Variants in ERMP1 observed in about 807,000 individuals in gnomAD.
ERMP1 encodes endoplasmic reticulum metallopeptidase 1.
In ERMP1, 86 loss-of-function variants were observed where a neutral mutation model predicts 92.0. The observed-to-expected ratio is 0.93, with a 90% CI of 0.79 to 1.12. The LOEUF is 1.12. Ranked by LOEUF, ERMP1 falls within the 50% of genes most tolerant of loss-of-function variation. ERMP1 has a pLI of 0.00. For missense variants in ERMP1, 1,342 were observed against 1,116.3 expected (o/e 1.20, Z -2.88); for synonymous variants, 530 against 412.8 (o/e 1.28, Z -3.44).
chr9:5,860,863 C>T (rs4433198), intron 5 of ERMP1, among the ~76,000 whole-genome samples: 143,904 of 152,086 alleles, frequency 0.95, 68,465 homozygotes, highest in East Asian at 1. Context: ...TAATGGATTA[C>T]TATGGTGGCT....
intron 2 of ERMP1, among the ~76,000 whole-genome samples, 195 bp downstream of exon 2, chr9:5,830,532 T>C (rs574585363): frequency 6.6e-6 from 1 of 152,294 alleles, no homozygotes; most frequent in South Asian, 2.1e-4. Context: ...ATAATATTAA[T>C]AAAGCACTTA....
chr9:5,791,776 G>A (rs1030981878), intron 13 of ERMP1, among the ~76,000 whole-genome samples: 6 of 152,094 alleles, frequency 3.9e-5, no homozygotes, highest in Admixed American at 2.0e-4. Flanking sequence ...TTCAACACAT[G>A]TCTTGAGTAC....
chr9:5,787,308 C>A lies in ERMP1; in HGVS notation c.2551G>T (p.Val851Phe). The change falls in exon 15 of 15, where the codon GTT (valine) becomes TTT (phenylalanine). Residue 851 changes from valine (V) to phenylalanine (F), a missense_variant and splice_region_variant. Physicochemically the swap from Val to Phe is conservative, Grantham distance 50. Transcript: ENST00000339450. ...ATTCCTTCAGGATGTTCTTCTGAAA[C>A]CTGCCAGAGAAAATCAATTAGTTCT... is the stretch of plus-strand genomic sequence containing the variant. ...SAWQFWIEVQ[V>F]SEEHPEGMVT... The A allele has an allele frequency of 6.2e-7, 1 of 1,611,110 alleles. No individual in the cohort carries two copies. Among genetic ancestry groups the A allele is most frequent in the Non-Finnish European group, 8.5e-7 (1 of 1,178,834 alleles).
chr9:5,817,382 G>A (rs1243885306), intron 4 of ERMP1, among the ~76,000 whole-genome samples: 3 of 151,818 alleles, frequency 2.0e-5, no homozygotes, highest in Non-Finnish European at 4.4e-5. Flanking sequence ...TAGAGACAGG[G>A]TTTCACAATG....
chr9:5,849,834 A>C (rs977261784), intron 6 of ERMP1, among the ~76,000 whole-genome samples: 1 of 152,178 alleles, frequency 6.6e-6, no homozygotes, highest in Non-Finnish European at 1.5e-5. Flanking sequence ...ATATAAATCT[A>C]CCCAAATCTT....
Position 5,805,140 on chromosome 9 carries a change from C to T in ERMP1, c.1801G>A (p.Ala601Thr). 1 of 1,613,196 alleles carries T rather than the reference C, an allele frequency of 6.2e-7. No individual in the cohort carries two copies. Among genetic ancestry groups the T allele is most frequent in the Non-Finnish European group, 8.5e-7 (1 of 1,179,614 alleles). Residue 601 changes from alanine (A) to threonine (T), a missense_variant, in exon 10 of 15, where the codon GCA becomes ACA. Physicochemically the swap from Ala to Thr is moderately conservative, Grantham distance 58. Coordinates refer to ENST00000339450, the MANE Select transcript of ERMP1 (RefSeq NM_024896.3). ...ATAGGGGTAAACATCTCAAATACTG[C>T]CCAGATGAGGTACAATGCATAAAGA... ...PYLYALYLIWAVFEMFTPILG... is the reference protein window; with the variant it reads ...PYLYALYLIWTVFEMFTPILG...
At chr9:5,813,328 G>C (rs1462345221) in intron 4 of ERMP1, among the ~76,000 whole-genome samples, 1 of 152,020 alleles carries the variant, frequency 6.6e-6, no homozygotes, top group Non-Finnish European at 1.5e-5. Flanking sequence ...ATTATCAATT[G>C]TATATCTTTA....
intron 13 of ERMP1, among the ~76,000 whole-genome samples, chr9:5,790,588 G>A (rs111300634): frequency 0.023 from 3,543 of 152,282 alleles, 66 homozygotes; most frequent in Middle Eastern, 0.1. Flanking sequence ...ATGAACAAAG[G>A]TATTTCAGGC....
At chr9:5,867,013 G>C (rs1194174368) in intron 5 of ERMP1, among the ~76,000 whole-genome samples, 1 of 152,140 alleles carries the variant, frequency 6.6e-6, no homozygotes, top group Non-Finnish European at 1.5e-5. Flanking sequence ...TGAGCAACAT[G>C]GTGAGACCCC....
intron 1 of ERMP1, among the ~76,000 whole-genome samples, chr9:5,832,292 C>A (rs773271427): frequency 6.6e-6 from 1 of 152,052 alleles, no homozygotes; most frequent in Non-Finnish European, 1.5e-5. Context: ...ACTCCCCGCC[C>A]CCAAAGCGAA....
chr9:5,787,345 A>G lies in ERMP1; in HGVS notation c.2551-37T>C, dbSNP rs764254047. ...AATCAATTAGTTCTCCAGTTCTCAG[A>G]AGCCAGAATACTGAACCCAAGGTTC... On this transcript the variant is annotated intron_variant, in intron 14 of 14. Coordinates refer to ENST00000339450, the MANE Select transcript of ERMP1 (RefSeq NM_024896.3). 6.2e-6 allele frequency: 10 copies of G among 1,605,186 alleles called. No homozygotes were observed. In the Middle Eastern group the frequency reaches 5.0e-4, roughly 80 times the overall value.
At chr9:5,832,597 G>C in intron 1 of ERMP1, 93 bp downstream of exon 1, 1 of 1,039,542 alleles carries the variant, frequency 9.6e-7, no homozygotes, top group Non-Finnish European at 1.3e-6. Flanking sequence ...CAGCGGTCCG[G>C]CAGGGGCGGG....
At chr9:5,838,272 T>A (rs765611493) in intron 6 of ERMP1, among the ~76,000 whole-genome samples, 3 of 152,140 alleles carry the variant, frequency 2.0e-5, no homozygotes, top group Admixed American at 6.5e-5. Context: ...CAGGGTGCAG[T>A]AGCTCATGCC....
intron 6 of ERMP1, among the ~76,000 whole-genome samples, chr9:5,851,279 T>C (rs904114460): frequency 6.6e-6 from 1 of 152,248 alleles, no homozygotes; most frequent in Non-Finnish European, 1.5e-5. Flanking sequence ...ACATTTGCTA[T>C]ACCTTATTTT....
At chr9:5,819,246 A>G (rs1399321626) in intron 4 of ERMP1, among the ~76,000 whole-genome samples, 1 of 152,202 alleles carries the variant, frequency 6.6e-6, no homozygotes, top group Admixed American at 6.5e-5. Context: ...AAAAAAAATG[A>G]AGTACTAATA....
In ERMP1 at chr9:5,833,093, C is replaced by CGCCGTCGCT. The variant is rs1246666309; in HGVS notation, c.-75_-67dup. On this transcript the variant is annotated 5_prime_UTR_variant, in exon 1 of 15. Transcript: ENST00000339450. ...CGACAGCCCCGGCCGCCGCCGACGC[C>CGCCGTCGCT]GCCGTCGCTGCCGCAGCGCCTCCTA... 8.0e-5 allele frequency: 107 copies of CGCCGTCGCT among 1,338,260 alleles called. No homozygotes were observed. In the South Asian group the frequency reaches 1.5e-3, roughly 19 times the overall value. The allele number at this position is 1,338,260 out of a possible 1,614,324, so 82.9% of individuals were successfully genotyped here.
chr9:5,797,913 CA>C lies in ERMP1; in HGVS notation c.2289del (p.Ala764ProfsTer25). ...HFLIRKNWYL[P>X]APEVSPRNPP... is the part of the protein sequence containing the mutation. ...GGATTTCTTGGAGAAACTTCTGGGG[CA>C]GGAAGATACCAGTTTTTCCTATTTA... On this transcript the variant is annotated frameshift_variant, in exon 13 of 15. Transcript: ENST00000339450. LOFTEE classifies it high-confidence loss of function. 5.0e-6 allele frequency: 8 copies of C among 1,611,584 alleles called. No homozygotes were observed. The highest frequency in any genetic ancestry group is 6.8e-6 in the Non-Finnish European group (8 of 1,178,120).
At chr9:5,834,699 A>ATGTG (rs1323971917), upstream of ERMP1, among the ~76,000 whole-genome samples, 1 of 81,896 alleles carries the variant, frequency 1.2e-5, no homozygotes, top group African/African-American at 3.5e-5. Context: ...ATATGTATGT[A>ATGTG]TATATGTGTG....
intron 2 of ERMP1, among the ~76,000 whole-genome samples, chr9:5,829,709 A>G (rs1004672568): frequency 6.6e-6 from 1 of 152,186 alleles, no homozygotes; most frequent in Non-Finnish European, 1.5e-5. Flanking sequence ...CTGGCCAGGA[A>G]ATCCAGCATC....
Sources: allele counts gnomAD v4.1 joint callset (sites outside exome capture counted in the v4.1 genomes callset), GRCh38; gene constraint gnomAD v4.1.1; transcripts MANE v1.5; gene names NCBI Gene and HGNC (gene_info 2026-07-23, HGNC 2026-07-21).